Variants in FAM193A observed in about 807,000 individuals in gnomAD.
The protein encoded by FAM193A is protein FAM193A.
FAM193A carries 22 observed loss-of-function variants against 126.5 expected under a neutral mutation model. The observed-to-expected ratio is 0.17, with a 90% confidence interval of 0.12 to 0.25. The LOEUF is 0.25. Ranked by LOEUF, FAM193A falls within the 10% of genes least tolerant of loss-of-function variation. FAM193A has a pLI of 1.00. For synonymous variants in FAM193A, 761 were observed against 646.8 expected (o/e 1.18, Z -2.68); for missense variants, 1,675 against 1,672.8 (o/e 1.00, Z -0.02).
In FAM193A at chr4:2,605,970, C is replaced by CAA. The variant is rs1160026686; in HGVS notation, c.501+9668_501+9669dup. ...TAGGCGACAGAGTGAGACTCTGTCTCAAAAAAAAAAAAAAAAAAAAAAAAA... is the reference window on the plus strand; with the variant it reads ...TAGGCGACAGAGTGAGACTCTGTCTCAAAAAAAAAAAAAAAAAAAAAAAAAAA... On this transcript the variant is annotated intron_variant, in intron 2 of 20. Transcript: ENST00000637812. 8.5e-3 allele frequency among the ~76,000 whole-genome samples: 270 copies of CAA among 31,904 alleles called. 46 individuals carry two copies. Among genetic ancestry groups the CAA allele is most frequent in the Middle Eastern group, 0.056 (1 of 18 alleles). 20.9% of individuals were successfully genotyped at this position (31,904 alleles called of 152,430 possible).
intron 1 of FAM193A, among the ~76,000 whole-genome samples, chr4:2,556,405 C>T (rs908410440): frequency 1.3e-5 from 2 of 151,258 alleles, no homozygotes; most frequent in African/African-American, 2.4e-5. Context: ...GGGGTTTCAC[C>T]ATGTTGGCCA....
intron 2 of FAM193A, among the ~76,000 whole-genome samples, chr4:2,623,696 C>T (rs902632883): frequency 1.2e-4 from 18 of 152,274 alleles, no homozygotes; most frequent in Admixed American, 8.5e-4. Flanking sequence ...AGGCTCCTTG[C>T]CACAGGCCAC....
At chr4:2,652,136 G>GT (rs1249650266) in intron 7 of FAM193A, among the ~76,000 whole-genome samples, 1 of 152,154 alleles carries the variant, frequency 6.6e-6, no homozygotes, top group African/African-American at 2.4e-5. Flanking sequence ...GATTTGCAGA[G>GT]TACCCTTCAT....
Position 2,690,845 on chromosome 4 carries a change from T to C in FAM193A, c.2678T>C (p.Phe893Ser). 1.9e-6 allele frequency: 3 copies of C among 1,614,188 alleles called. No homozygotes were observed. Among genetic ancestry groups the C allele is most frequent in the Non-Finnish European group, 2.5e-6 (3 of 1,180,036 alleles). ...TGTTTATACAATTTCCAAGATGCTT[T>C]CATGGAAGCAAATAAAGTTGTCATG... ...KKCLYNFQDA[F>S]MEANKVVMAT... The change falls in exon 15 of 21, where the codon TTC (phenylalanine) becomes TCC (serine). Residue 893 changes from phenylalanine (F) to serine (S), a missense_variant. Physicochemically the swap from Phe to Ser is radical, Grantham distance 155. Coordinates refer to ENST00000637812, the MANE Select transcript of FAM193A (RefSeq NM_001366318.2).
chr4:2,562,770 C>T (rs1738701432), intron 1 of FAM193A, among the ~76,000 whole-genome samples: 1 of 151,846 alleles, frequency 6.6e-6, no homozygotes, highest in East Asian at 1.9e-4. Flanking sequence ...GCTGGGATTA[C>T]AGGCGTCCAC....
At chr4:2,679,117 G>A (rs1403008167) in intron 13 of FAM193A, among the ~76,000 whole-genome samples, 1 of 152,084 alleles carries the variant, frequency 6.6e-6, no homozygotes, top group Non-Finnish European at 1.5e-5. Flanking sequence ...GGGTGTTTTT[G>A]TAATGAATGG....
chr4:2,627,595 T>TTTTC (rs1743103663), intron 4 of FAM193A, among the ~76,000 whole-genome samples: 1 of 131,838 alleles, frequency 7.6e-6, no homozygotes, highest in Admixed American at 8.7e-5. Flanking sequence ...TTTTTTTTTT[T>TTTTC]CAGATGGAGT....
At chr4:2,607,403 A>G (rs2108934320) in intron 2 of FAM193A, among the ~76,000 whole-genome samples, 1 of 152,302 alleles carries the variant, frequency 6.6e-6, no homozygotes. Context: ...AGCACAGTGA[A>G]AAAGGCAGAG....
At chr4:2,684,656 G>A (rs1282706665) in intron 13 of FAM193A, among the ~76,000 whole-genome samples, 1 of 152,190 alleles carries the variant, frequency 6.6e-6, no homozygotes, top group Non-Finnish European at 1.5e-5. Context: ...AGAGCTGCCT[G>A]AGACCTGGGC....
At chr4:2,550,341 C>T (rs1737835831) in intron 1 of FAM193A, among the ~76,000 whole-genome samples, 1 of 150,872 alleles carries the variant, frequency 6.6e-6, no homozygotes, top group Admixed American at 6.6e-5. Context: ...CCACCACACC[C>T]AGCCTAGACT....
chr4:2,535,577 C>G (rs961765727), upstream of FAM193A, among the ~76,000 whole-genome samples: 2 of 152,236 alleles, frequency 1.3e-5, no homozygotes, highest in African/African-American at 4.8e-5. Flanking sequence ...AGGGTCCCCC[C>G]GTGGCCCGGG....
At chr4:2,702,966 CCT>C (rs1280164689) in intron 19 of FAM193A, among the ~76,000 whole-genome samples, 2 of 152,032 alleles carry the variant, frequency 1.3e-5, no homozygotes, top group East Asian at 1.9e-4. Context: ...CTACCCAGTT[CCT>C]CTTTTTTTTT....
Position 2,693,618 on chromosome 4 carries a change from C to T in FAM193A, c.2836C>T (p.His946Tyr). ...GTTTCATGGCATCAGCAAGGAGGACCACAGACACTCGGCCCCAGCCGCCCC... is the reference window on the plus strand; with the variant it reads ...GTTTCATGGCATCAGCAAGGAGGACTACAGACACTCGGCCCCAGCCGCCCC... ...DVFHGISKED[H>Y]RHSAPAAPRN... Residue 946 changes from histidine to tyrosine, a missense_variant, in exon 16 of 21, where the codon CAC becomes TAC. This residue lies in a region of FAM193A where 1,186 missense variants were observed against 1,109.2 expected (regional missense o/e 1.07). Coordinates refer to ENST00000637812, the MANE Select transcript of FAM193A (RefSeq NM_001366318.2). 1.2e-6 allele frequency: 2 copies of T among 1,613,854 alleles called. No homozygotes were observed. The highest frequency in any genetic ancestry group is 8.5e-7 in the Non-Finnish European group (1 of 1,179,818).
At chr4:2,594,819 CCT>C (rs1491320893) in intron 1 of FAM193A, among the ~76,000 whole-genome samples, 12 of 86,958 alleles carry the variant, frequency 1.4e-4, no homozygotes, top group African/African-American at 6.5e-4. Context: ...CTTTTCTTTT[CCT>C]TTTTTTTTTT....
chr4:2,719,490 A>C (rs1196830368), intron 20 of FAM193A, among the ~76,000 whole-genome samples: 1 of 152,220 alleles, frequency 6.6e-6, no homozygotes, highest in Non-Finnish European at 1.5e-5. Context: ...TCACGCCTGT[A>C]ATCCCAGAAC....
chr4:2,725,563 A>G (rs1446048345), intron 20 of FAM193A, among the ~76,000 whole-genome samples: 1 of 150,512 alleles, frequency 6.6e-6, no homozygotes, highest in Non-Finnish European at 1.5e-5. Flanking sequence ...CACCTGCTGT[A>G]TTGTATAGAC....
chr4:2,708,313 T>TA (rs1157072877), intron 19 of FAM193A: 2 of 308,608 alleles, frequency 6.5e-6, no homozygotes, highest in Non-Finnish European at 1.3e-5. Flanking sequence ...TTAGTAGAGA[T>TA]AGAGTTTCAC....
intron 9 of FAM193A, 52 bp downstream of exon 9, chr4:2,659,722 G>T: frequency 1.9e-6 from 3 of 1,611,928 alleles, no homozygotes; most frequent in Non-Finnish European, 1.7e-6. Context: ...CCTTCACTGG[G>T]CTGAGTGGAG....
At chr4:2,695,832 G>T (rs1326165880) in intron 17 of FAM193A, among the ~76,000 whole-genome samples, 1 of 152,170 alleles carries the variant, frequency 6.6e-6, no homozygotes, top group Non-Finnish European at 1.5e-5. Context: ...ACTTTGGGAG[G>T]CTAAGGGAGG....
Sources: gnomAD v4.1 joint callset for allele counts (sites outside exome capture counted in the v4.1 genomes callset) on GRCh38, gnomAD v4.1.1 for gene constraint, gnomAD v4.1.1 regional missense constraint, MANE v1.5 for transcripts, NCBI Gene and HGNC (gene_info 2026-07-23, HGNC 2026-07-21) for gene names.